Variants in ERG observed in about 807,000 individuals in gnomAD.
The protein encoded by ERG is transcriptional regulator ERG.
ERG carries 9 observed loss-of-function variants against 55.3 expected under a neutral mutation model. That is an observed-to-expected ratio of 0.16 (90% confidence interval 0.10 to 0.28). ERG has a LOEUF of 0.28. Ranked by LOEUF, ERG falls within the 10% of genes least tolerant of loss-of-function variation. The pLI is 1.00. For synonymous variants in ERG, 223 were observed against 237.3 expected (o/e 0.94, Z 0.55); for missense variants, 434 against 631.6 (o/e 0.69, Z 3.35).
intron 6 of ERG, among the ~76,000 whole-genome samples, chr21:38,396,406 T>TAA (rs1218202902): frequency 6.6e-6 from 1 of 152,244 alleles, no homozygotes; most frequent in African/African-American, 2.4e-5. Flanking sequence ...TGAGAGATGC[T>TAA]ATGCAGTAGT....
At chr21:38,539,619 T>A (rs748371788) in intron 2 of ERG, among the ~76,000 whole-genome samples, 11 of 152,142 alleles carry the variant, frequency 7.2e-5, no homozygotes, top group Non-Finnish European at 1.2e-4. Context: ...TACTTACAAA[T>A]CATTGTTGTA....
chr21:38,557,255 C>T (rs1049548620), intron 2 of ERG, among the ~76,000 whole-genome samples: 1 of 152,184 alleles, frequency 6.6e-6, no homozygotes. Context: ...TTGAGACTTT[C>T]TCTATTTTTA....
chr21:38,485,591 C>A (rs1380234387), intron 1 of ERG, among the ~76,000 whole-genome samples: 1 of 151,628 alleles, frequency 6.6e-6, no homozygotes, highest in Non-Finnish European at 1.5e-5. Context: ...TCCCAAGTAG[C>A]TGGGATTACA....
Position 38,394,997 on chromosome 21 carries a change from C to G in ERG, c.746-2553G>C, listed in dbSNP as rs568291217. ...TTTTGAAACTCTTTATTCACAAAAT[C>G]CTTCATATGGTGTATAACCATATCC... On this transcript the variant is annotated intron_variant, in intron 6 of 9. Coordinates refer to ENST00000288319, the MANE Select transcript of ERG (RefSeq NM_182918.4). Among the ~76,000 whole-genome samples the G allele has an allele frequency of 1.4e-3, 216 of 152,294 alleles. 1 individual carries two copies. Among genetic ancestry groups the G allele is most frequent in the African/African-American group, 5.1e-3 (210 of 41,570 alleles).
chr21:38,467,883 T>A (rs1404727969), intron 1 of ERG, among the ~76,000 whole-genome samples: 1 of 152,224 alleles, frequency 6.6e-6, no homozygotes, highest in African/African-American at 2.4e-5. Flanking sequence ...CATGTGTGCA[T>A]GAGGGTGTCA....
Position 38,551,942 on chromosome 21 carries a change from T to C in ERG, c.-41+23720A>G, listed in dbSNP as rs114404957. Among the ~76,000 whole-genome samples the C allele has an allele frequency of 7.0e-3, 1,060 of 152,274 alleles. 12 individuals are homozygous for C. The highest frequency in any genetic ancestry group is 0.024 in the African/African-American group (1,003 of 41,560). ...TCTATCTAATACTGTCAGTGAGATG[T>C]TGAAATCTCCCACTATTATTGTATG... On this transcript the variant is annotated intron_variant, in intron 2 of 8. Transcript: ENST00000398897.
At chr21:38,385,077 T>C (rs1383998965) in intron 9 of ERG, among the ~76,000 whole-genome samples, 1 of 152,240 alleles carries the variant, frequency 6.6e-6, no homozygotes, top group Admixed American at 6.5e-5. Flanking sequence ...AGAATTTTCT[T>C]GATTTCATTG....
At chr21:38,588,860 G>A (rs1399954911), upstream of ERG, among the ~76,000 whole-genome samples, 2 of 151,526 alleles carry the variant, frequency 1.3e-5, no homozygotes, top group Non-Finnish European at 2.9e-5. Flanking sequence ...CAGACTATAG[G>A]AAAAAGAGTC....
At chr21:38,450,982 T>A (rs1316313225) in intron 1 of ERG, 1 of 444,744 alleles carries the variant, frequency 2.2e-6, no homozygotes, top group Non-Finnish European at 4.5e-6. Context: ...GGTTTGTGTC[T>A]GTGAATGGAA....
intron 2 of ERG, among the ~76,000 whole-genome samples, chr21:38,515,639 T>C (rs1275705737): frequency 1.3e-5 from 2 of 151,990 alleles, no homozygotes; most frequent in Non-Finnish European, 2.9e-5. Context: ...TACAGGCTGA[T>C]ATTCCTGATG....
At chr21:38,619,748 C>T (rs1002913538) in intron 1 of ERG, among the ~76,000 whole-genome samples, 1 of 152,216 alleles carries the variant, frequency 6.6e-6, no homozygotes, top group Non-Finnish European at 1.5e-5. Flanking sequence ...GAATTTATGG[C>T]ATTGTGGCTT....
At chr21:38,478,263 A>G (rs934912661) in intron 1 of ERG, among the ~76,000 whole-genome samples, 2 of 152,238 alleles carry the variant, frequency 1.3e-5, no homozygotes, top group African/African-American at 4.8e-5. Context: ...TTGCATTTAC[A>G]TGCTTAACTG....
downstream of ERG, among the ~76,000 whole-genome samples, chr21:38,378,846 TTAAC>T (rs1413712595): frequency 6.6e-6 from 1 of 152,238 alleles, no homozygotes; most frequent in Non-Finnish European, 1.5e-5. Context: ...GCTTTTGGAA[TTAAC>T]TAGCCCTGGA....
At chr21:38,618,802 G>A (rs1394734477) in intron 1 of ERG, among the ~76,000 whole-genome samples, 1 of 152,232 alleles carries the variant, frequency 6.6e-6, no homozygotes, top group Non-Finnish European at 1.5e-5. Context: ...CTCACTAGCA[G>A]TGTGACATTG....
At chr21:38,582,044 C>CA (rs35717235) in intron 1 of ERG, among the ~76,000 whole-genome samples, 1,320 of 87,632 alleles carry the variant, frequency 0.015, 12 homozygotes, top group African/African-American at 0.036. Context: ...CTCCATCTCA[C>CA]AAAAAAAAAA....
intron 2 of ERG, among the ~76,000 whole-genome samples, chr21:38,438,667 C>T (rs1012242335): frequency 1.3e-5 from 2 of 152,218 alleles, no homozygotes; most frequent in African/African-American, 4.8e-5. Flanking sequence ...CTGGGCAAAG[C>T]GCCAATGTGG....
chr21:38,557,569 A>G lies in ERG; in HGVS notation c.-41+18093T>C, dbSNP rs187585964. ...CATATATTAGCTTGAAAAAAAACTAATATATGTGTATGTTTTTTTAAAAGG... is the reference window on the plus strand; with the variant it reads ...CATATATTAGCTTGAAAAAAAACTAGTATATGTGTATGTTTTTTTAAAAGG... On this transcript the variant is annotated intron_variant, in intron 2 of 8. Coordinates refer to the ERG transcript ENST00000398897. Among the ~76,000 whole-genome samples the G allele has an allele frequency of 1.4e-3, 219 of 152,328 alleles. 1 individual carries two copies. The highest frequency in any genetic ancestry group is 5.0e-3 in the African/African-American group (209 of 41,580).
intron 3 of ERG, among the ~76,000 whole-genome samples, chr21:38,419,420 T>G (rs926410764): frequency 1.3e-5 from 2 of 152,204 alleles, no homozygotes; most frequent in Non-Finnish European, 2.9e-5. Flanking sequence ...AGGCACTGAA[T>G]TATCCCTTTC....
intron 1 of ERG, among the ~76,000 whole-genome samples, chr21:38,622,034 C>T (rs890001165): frequency 6.6e-6 from 1 of 152,238 alleles, no homozygotes; most frequent in African/African-American, 2.4e-5. Flanking sequence ...GAGCCTGAGT[C>T]CTACCCAGAT....
Sources: gnomAD v4.1 joint callset for allele counts (sites outside exome capture counted in the v4.1 genomes callset) on GRCh38, gnomAD v4.1.1 for gene constraint, MANE v1.5 for transcripts, NCBI Gene and HGNC (gene_info 2026-07-23, HGNC 2026-07-21) for gene names.